The following TMEM135 variants were observed in gnomAD, a reference collection of about 807,000 sequenced individuals.
TMEM135 encodes the protein peroxisomal membrane protein 52.
TMEM135 carries 30 observed loss-of-function variants against 60.3 expected under a neutral mutation model. The observed-to-expected ratio is 0.50, with a 90% confidence interval of 0.37 to 0.68. The LOEUF (loss-of-function observed/expected upper bound fraction) is 0.68, where lower values mean the gene tolerates loss of function less well. Among genes scored for constraint, TMEM135 ranks in the 30% least tolerant of loss-of-function variants. TMEM135 has a pLI of 0.00. For missense variants in TMEM135, 468 were observed against 548.8 expected, an observed-to-expected ratio of 0.85 and a Z score of 1.47; for synonymous variants, 190 against 186.7, an observed-to-expected ratio of 1.02 and a Z score of -0.14.
intron 5 of TMEM135, among the ~76,000 whole-genome samples, chr11:87,173,335 C>T (rs1171393057): frequency 6.6e-6 from 1 of 152,130 alleles, no homozygotes. Context: ...GCACTGGAAT[C>T]AGATCTAGTG....
At chr11:87,225,499 A>T (rs899069500) in intron 5 of TMEM135, among the ~76,000 whole-genome samples, 1 of 148,492 alleles carries the variant, frequency 6.7e-6, no homozygotes, top group African/African-American at 2.5e-5. Flanking sequence ...CACATCTTGT[A>T]AAAAAAAAAG....
At chr11:87,122,708 G>A (rs917678976) in intron 4 of TMEM135, among the ~76,000 whole-genome samples, 5 of 152,026 alleles carry the variant, frequency 3.3e-5, no homozygotes, top group Admixed American at 6.6e-5. Flanking sequence ...TGACCCACCC[G>A]CCTTGGCCTC....
intron 4 of TMEM135, among the ~76,000 whole-genome samples, chr11:87,151,877 C>T (rs114890229): frequency 0.019 from 2,873 of 152,206 alleles, 78 homozygotes; most frequent in East Asian, 0.071. Flanking sequence ...AATATCCCAT[C>T]GTTATTAGTA....
At chr11:87,110,758 ATG>A (rs201687021) in intron 4 of TMEM135, among the ~76,000 whole-genome samples, 61,594 of 151,636 alleles carry the variant, frequency 0.41, 13,683 homozygotes, top group East Asian at 0.65. Flanking sequence ...TTTTAAAGGA[ATG>A]TGTGTGTGTG....
intron 1 of TMEM135, among the ~76,000 whole-genome samples, chr11:87,053,707 T>A (rs901286642): frequency 6.6e-6 from 1 of 152,226 alleles, no homozygotes; most frequent in Admixed American, 6.5e-5. Context: ...GATGCTTTGA[T>A]GATTAATGGT....
chr11:87,310,743 T>C (rs1246106164), intron 10 of TMEM135, among the ~76,000 whole-genome samples: 3 of 151,900 alleles, frequency 2.0e-5, no homozygotes, highest in Admixed American at 1.3e-4. Context: ...ACCTTGAGCA[T>C]ACCGTGATCT....
At chr11:87,039,112 AATT>A (rs773548466) in intron 1 of TMEM135, among the ~76,000 whole-genome samples, 86 of 152,312 alleles carry the variant, frequency 5.6e-4, no homozygotes, top group Admixed American at 1.1e-3. Flanking sequence ...GCAGATGATC[AATT>A]ATTATTTCTC....
chr11:87,159,617 A>ACACACACACACACACACACACCCCCCCC (rs140303858), intron 5 of TMEM135, among the ~76,000 whole-genome samples: 43 of 149,438 alleles, frequency 2.9e-4, no homozygotes, highest in African/African-American at 9.9e-4. Flanking sequence ...ACACACACAC[A>ACACACACACACACACACACACCCCCCCC]CCATAGATTT....
Position 87,217,784 on chromosome 11 carries a change from CA to C in TMEM135, c.463-18841del, listed in dbSNP as rs143712597. ...GGGCAACAAGAGTGAAACTCTGTCT[CA>C]AAAAAAAAAAAAGAAGGTTGGGGTG... On this transcript the variant is annotated intron_variant, in intron 5 of 14. Transcript: ENST00000305494. Among the ~76,000 whole-genome samples the C allele has an allele frequency of 6.1e-3, 823 of 135,660 alleles. 4 individuals carry two copies. Among genetic ancestry groups the C allele is most frequent in the South Asian group, 0.02 (84 of 4,300 alleles). The allele number at this position is 135,660 out of a possible 152,430, so 89.0% of individuals were successfully genotyped here.
chr11:87,168,889 G>A (rs1469885848), intron 5 of TMEM135, among the ~76,000 whole-genome samples: 2 of 150,464 alleles, frequency 1.3e-5, no homozygotes, highest in African/African-American at 4.9e-5. Flanking sequence ...GATCTAATAT[G>A]GACGATGAGG....
chr11:87,077,358 A>G (rs1424315642), intron 3 of TMEM135, among the ~76,000 whole-genome samples: 11 of 152,238 alleles, frequency 7.2e-5, no homozygotes, highest in Admixed American at 1.3e-4. Context: ...GCATTCTACT[A>G]TATGGATGTA....
intron 4 of TMEM135, among the ~76,000 whole-genome samples, chr11:87,123,982 A>G (rs61904209): frequency 0.13 from 19,604 of 152,178 alleles, 1,350 homozygotes; most frequent in Middle Eastern, 0.15. Flanking sequence ...TGCACCTGAA[A>G]CTAAGTGATG....
chr11:87,059,215 A>T (rs2512332), intron 1 of TMEM135, among the ~76,000 whole-genome samples: 33,328 of 151,398 alleles, frequency 0.22, 4,173 homozygotes, highest in East Asian at 0.53. Flanking sequence ...GACGTCAGCC[A>T]CCGCGCCCAG....
intron 10 of TMEM135, 101 bp from the exon 11 acceptor site, chr11:87,313,324 C>A: frequency 1.1e-6 from 1 of 947,640 alleles, no homozygotes; most frequent in Non-Finnish European, 1.7e-6. Context: ...AATTGGCCTG[C>A]AAGGTAATCT....
chr11:87,073,782 C>G (rs181676318), intron 3 of TMEM135, among the ~76,000 whole-genome samples: 39 of 152,124 alleles, frequency 2.6e-4, no homozygotes, highest in African/African-American at 9.4e-4. Flanking sequence ...ATTCTCCTGC[C>G]TCAGCTTCCC....
At chr11:87,150,393 A>C (rs185612636) in intron 4 of TMEM135, among the ~76,000 whole-genome samples, 2 of 152,218 alleles carry the variant, frequency 1.3e-5, no homozygotes, top group Non-Finnish European at 2.9e-5. Context: ...ACTTGCCTAC[A>C]CTGCTATTCT....
intron 4 of TMEM135, among the ~76,000 whole-genome samples, chr11:87,124,506 G>A (rs1221515049): frequency 6.6e-6 from 1 of 152,134 alleles, no homozygotes; most frequent in African/African-American, 2.4e-5. Context: ...GACCTGTGTA[G>A]CATTCTTCCT....
At chr11:87,074,886 C>A (rs1010448998) in intron 3 of TMEM135, among the ~76,000 whole-genome samples, 1 of 152,080 alleles carries the variant, frequency 6.6e-6, no homozygotes, top group African/African-American at 2.4e-5. Context: ...TTTTTTTGAA[C>A]CAGAATCTAG....
chr11:87,147,836 C>T (rs1040994157), intron 4 of TMEM135, among the ~76,000 whole-genome samples: 1 of 152,068 alleles, frequency 6.6e-6, no homozygotes, highest in Non-Finnish European at 1.5e-5. Flanking sequence ...TGGCTCACTG[C>T]AACCTCCACC....
Sources: allele counts gnomAD v4.1 joint callset (sites outside exome capture counted in the v4.1 genomes callset), GRCh38; gene constraint gnomAD v4.1.1; transcripts MANE v1.5; gene names NCBI Gene and HGNC (gene_info 2026-07-23, HGNC 2026-07-21).